The following PRKG1 variants were observed in gnomAD, a reference collection of about 807,000 sequenced individuals.
The protein encoded by PRKG1 is protein kinase cGMP-dependent 1, also known as cGMP-dependent protein kinase 1.
In PRKG1, 35 loss-of-function variants were observed where a neutral mutation model predicts 88.1. The ratio of observed to expected loss-of-function variants is 0.40; its 90% CI spans 0.30 to 0.53. PRKG1 has a LOEUF of 0.53. PRKG1 is among the 20% of genes least tolerant of loss of function. The probability of loss-of-function intolerance (pLI) is 0.59; values close to 1 mark genes in which losing one functional copy is unlikely to be tolerated. For synonymous variants in PRKG1, 303 were observed against 292.5 expected, an observed-to-expected ratio of 1.04 and a Z score of -0.37; for missense variants, 540 against 839.8, an observed-to-expected ratio of 0.64 and a Z score of 4.41.
intron 5 of PRKG1, among the ~76,000 whole-genome samples, chr10:52,023,137 A>T (rs11816688): frequency 2.0e-5 from 3 of 151,646 alleles, no homozygotes; most frequent in Non-Finnish European, 4.4e-5. Context: ...TCATTGTTCA[A>T]CTCCCACTTA....
chr10:51,525,656 C>A (rs888630723), intron 3 of PRKG1, among the ~76,000 whole-genome samples: 2 of 152,086 alleles, frequency 1.3e-5, no homozygotes, highest in African/African-American at 4.8e-5. Flanking sequence ...TGAGATTGCA[C>A]CACTGCCCTC....
intron 3 of PRKG1, chr10:51,698,232 T>A: frequency 6.2e-7 from 1 of 1,614,076 alleles, no homozygotes; most frequent in Non-Finnish European, 8.5e-7. Flanking sequence ...ATCGCACAGG[T>A]CTCCATTCCT....
intron 1 of PRKG1, among the ~76,000 whole-genome samples, chr10:51,126,226 T>C (rs1424614965): frequency 1.6e-5 from 2 of 122,366 alleles, no homozygotes; most frequent in East Asian, 5.0e-4. Flanking sequence ...TATATATTTA[T>C]ATATTTATAA....
intron 2 of PRKG1, among the ~76,000 whole-genome samples, chr10:51,187,756 A>C (rs914775206): frequency 2.0e-5 from 3 of 152,034 alleles, no homozygotes; most frequent in Admixed American, 2.0e-4. Flanking sequence ...ACAATGCCTA[A>C]ATATCATAGC....
At chr10:51,949,672 T>A (rs1217872677) in intron 5 of PRKG1, among the ~76,000 whole-genome samples, 1 of 152,192 alleles carries the variant, frequency 6.6e-6, no homozygotes, top group Admixed American at 6.5e-5. Context: ...AACTTCTTGC[T>A]TCCAGGGTGG....
At chr10:52,055,542 A>G (rs997016344) in intron 6 of PRKG1, among the ~76,000 whole-genome samples, 2 of 152,206 alleles carry the variant, frequency 1.3e-5, no homozygotes, top group African/African-American at 4.8e-5. Context: ...AATTTCTTTT[A>G]GATTAATGCT....
intron 3 of PRKG1, among the ~76,000 whole-genome samples, chr10:51,545,664 A>G (rs1355192151): frequency 1.3e-5 from 2 of 152,246 alleles, no homozygotes; most frequent in Non-Finnish European, 2.9e-5. Flanking sequence ...ATCATAGAAA[A>G]TTATATTAAA....
intron 10 of PRKG1, among the ~76,000 whole-genome samples, chr10:52,267,356 A>C (rs929222172): frequency 1.3e-5 from 2 of 152,018 alleles, no homozygotes; most frequent in Non-Finnish European, 2.9e-5. Flanking sequence ...ATATCTTTGC[A>C]TTCATGGAAT....
At chr10:52,094,157 G>T (rs1847120771) in intron 7 of PRKG1, among the ~76,000 whole-genome samples, 1 of 152,026 alleles carries the variant, frequency 6.6e-6, no homozygotes, top group East Asian at 1.9e-4. Flanking sequence ...TGAAAATATG[G>T]TAAATATTCT....
intron 8 of PRKG1, among the ~76,000 whole-genome samples, chr10:52,141,593 T>C (rs1305569223): frequency 6.6e-6 from 1 of 152,156 alleles, no homozygotes; most frequent in Non-Finnish European, 1.5e-5. Flanking sequence ...CTCTGTTATA[T>C]GGATAGTTTC....
At chr10:51,829,774 C>T (rs1839959795) in intron 4 of PRKG1, among the ~76,000 whole-genome samples, 1 of 152,148 alleles carries the variant, frequency 6.6e-6, no homozygotes, top group South Asian at 2.1e-4. Context: ...TTTTCCTGCT[C>T]TTCCAACTTT....
At chr10:51,861,950 G>A (rs1840885454) in intron 4 of PRKG1, among the ~76,000 whole-genome samples, 1 of 152,150 alleles carries the variant, frequency 6.6e-6, no homozygotes, top group Non-Finnish European at 1.5e-5. Flanking sequence ...GGGCATCTGA[G>A]CCAGGCATGT....
intron 3 of PRKG1, among the ~76,000 whole-genome samples, chr10:51,584,590 A>G (rs1224032004): frequency 2.0e-5 from 3 of 152,048 alleles, no homozygotes; most frequent in Non-Finnish European, 4.4e-5. Context: ...GTCAACATTT[A>G]TGGAGTGTCT....
chr10:51,762,340 A>G (rs972867217), intron 3 of PRKG1, among the ~76,000 whole-genome samples: 1 of 152,178 alleles, frequency 6.6e-6, no homozygotes, highest in African/African-American at 2.4e-5. Flanking sequence ...CAAGGGAAGT[A>G]TTATTACCTA....
chr10:51,858,729 G>C (rs1840785504), intron 4 of PRKG1, among the ~76,000 whole-genome samples: 1 of 151,608 alleles, frequency 6.6e-6, no homozygotes, highest in Non-Finnish European at 1.5e-5. Context: ...TGGTGAAGGA[G>C]GTACCTTCAA....
chr10:52,010,775 G>C (rs1193722247), intron 5 of PRKG1, among the ~76,000 whole-genome samples: 1 of 152,130 alleles, frequency 6.6e-6, no homozygotes, highest in African/African-American at 2.4e-5. Context: ...CCCATTATCT[G>C]TTAAGACTTG....
At chr10:52,027,112 G>A (rs1288311904) in intron 5 of PRKG1, among the ~76,000 whole-genome samples, 2 of 152,210 alleles carry the variant, frequency 1.3e-5, no homozygotes. Context: ...CATGGGAACT[G>A]CACTTGAAAA....
chr10:51,342,468 A>G (rs967086168), intron 2 of PRKG1, among the ~76,000 whole-genome samples: 7 of 152,172 alleles, frequency 4.6e-5, no homozygotes, highest in African/African-American at 1.4e-4. Context: ...AACAAGAACT[A>G]TTTTTAAGTG....
intron 4 of PRKG1, among the ~76,000 whole-genome samples, chr10:51,818,648 C>T (rs145877221): frequency 2.2e-4 from 33 of 152,238 alleles, no homozygotes; most frequent in Middle Eastern, 3.4e-3. Flanking sequence ...TCACAGCACA[C>T]GCATACATAT....
Sources: gnomAD v4.1 joint callset for allele counts (sites outside exome capture counted in the v4.1 genomes callset) on GRCh38, gnomAD v4.1.1 for gene constraint, MANE v1.5 for transcripts, NCBI Gene and HGNC (gene_info 2026-07-23, HGNC 2026-07-21) for gene names.